The following IL7 variants were observed in gnomAD, a reference collection of about 807,000 sequenced individuals.
The protein encoded by IL7 is interleukin-7.
A neutral mutation model predicts 21.6 loss-of-function variants in IL7; 3 were observed. The observed-to-expected ratio is 0.14, with a 90% CI of 0.06 to 0.36. The LOEUF is 0.36. IL7 is among the 10% of genes least tolerant of loss of function. IL7 has a pLI of 1.00. For synonymous variants in IL7, 62 were observed against 68.1 expected (o/e 0.91, Z 0.44); for missense variants, 175 against 200.2 (o/e 0.87, Z 0.76).
chr8:78,791,966 A>G (rs1586110668), intron 2 of IL7, among the ~76,000 whole-genome samples: 1 of 152,198 alleles, frequency 6.6e-6, no homozygotes, highest in South Asian at 2.1e-4. Context: ...CATAAAATAA[A>G]TATCAGCAAT....
intron 2 of IL7, among the ~76,000 whole-genome samples, chr8:78,743,357 C>G (rs892096166): frequency 2.0e-5 from 3 of 152,178 alleles, no homozygotes; most frequent in African/African-American, 7.2e-5. Context: ...TTCCCACCAA[C>G]AGTGTATAAG....
At chr8:78,771,927 G>A (rs1812971533) in intron 2 of IL7, among the ~76,000 whole-genome samples, 1 of 152,078 alleles carries the variant, frequency 6.6e-6, no homozygotes, top group Non-Finnish European at 1.5e-5. Context: ...TCTTAACTGA[G>A]ATTTTTAAAG....
chr8:78,783,032 GCACCA>G (rs1813392219), intron 2 of IL7, among the ~76,000 whole-genome samples: 1 of 106,336 alleles, frequency 9.4e-6, no homozygotes, highest in Non-Finnish European at 1.7e-5. Context: ...AATATCTCTG[GCACCA>G]GCAGGGGAAA....
rs60056547 is a variant in IL7, at chr8:78,686,431, G to GTTTATTTA, written n.215-492_215-485dup. 6.7e-3 allele frequency: 7,862 copies of GTTTATTTA among 1,173,290 alleles called. 71 individuals carry two copies. The highest frequency in any genetic ancestry group is 0.039 in the African/African-American group (2,356 of 60,998). 72.7% of individuals were successfully genotyped at this position (1,173,290 alleles called of 1,614,324 possible). On this transcript the variant is annotated intron_variant and non_coding_transcript_variant, in intron 3 of 4. Coordinates refer to the IL7 transcript ENST00000523959. ...TCAATATACTAAAAAGATACTGTTT[G>GTTTATTTA]TTTATTTATTTATTTATTTATTTAT...
In IL7 at chr8:78,733,364, T is replaced by G. The variant is rs1586049679; in HGVS notation, c.*349A>C. On this transcript the variant is annotated 3_prime_UTR_variant, in exon 6 of 6. Coordinates refer to ENST00000263851, the MANE Select transcript of IL7 (RefSeq NM_000880.4). ...TGTCAATTTTGAATCTTTGAAACCATTATATACTTCATAGATTTAATGTCT... is the reference window on the plus strand; with the variant it reads ...TGTCAATTTTGAATCTTTGAAACCAGTATATACTTCATAGATTTAATGTCT... The G allele has an allele frequency of 5.3e-6, 1 of 189,282 alleles. No individual in the cohort carries two copies. The highest frequency in any genetic ancestry group is 2.2e-3 in the Middle Eastern group (1 of 460). The allele number at this position is 189,282 out of a possible 1,614,324, so 11.7% of individuals were successfully genotyped here.
At chr8:78,676,045 G>A in exon 5 of IL7, 2 of 421,414 alleles carry the variant, frequency 4.7e-6, no homozygotes, top group Non-Finnish European at 4.1e-6. Context: ...CTTTCCTTCA[G>A]AGTTTGGTCT....
intron 2 of IL7, among the ~76,000 whole-genome samples, chr8:78,787,128 G>A (rs1490204565): frequency 6.6e-6 from 1 of 152,182 alleles, no homozygotes; most frequent in African/African-American, 2.4e-5. Flanking sequence ...ATAAATATTA[G>A]TATTTCCCCA....
At chr8:78,752,926 A>G (rs1812222842) in intron 2 of IL7, among the ~76,000 whole-genome samples, 1 of 151,998 alleles carries the variant, frequency 6.6e-6, no homozygotes, top group South Asian at 2.1e-4. Flanking sequence ...ACATGAACTC[A>G]TTATTTTTTA....
chr8:78,750,233 G>GA (rs538815816), intron 2 of IL7, among the ~76,000 whole-genome samples: 7 of 151,510 alleles, frequency 4.6e-5, no homozygotes, highest in Non-Finnish European at 1.0e-4. Context: ...CTAAGGAGGG[G>GA]AAAAAAAAGA....
intron 3 of IL7, among the ~76,000 whole-genome samples, chr8:78,706,907 T>A (rs556308376): frequency 2.6e-4 from 40 of 152,166 alleles, no homozygotes; most frequent in Non-Finnish European, 1.0e-4. Flanking sequence ...ACAATATCTT[T>A]TGAGTTAAGT....
intron 3 of IL7, among the ~76,000 whole-genome samples, chr8:78,710,248 A>G (rs1810910885): frequency 6.6e-6 from 1 of 152,200 alleles, no homozygotes. Context: ...AATAGCATTC[A>G]TTAACTTTTA....
At chr8:78,771,072 C>T (rs1812932545) in intron 2 of IL7, among the ~76,000 whole-genome samples, 1 of 152,074 alleles carries the variant, frequency 6.6e-6, no homozygotes, top group African/African-American at 2.4e-5. Context: ...GTGGGAATCA[C>T]TAATGTTCCC....
At chr8:78,712,102 T>G in intron 3 of IL7, 2 of 1,281,534 alleles carry the variant, frequency 1.6e-6, no homozygotes, top group Non-Finnish European at 2.0e-6. Flanking sequence ...ATTACCTATT[T>G]ACAAGTAAGT....
chr8:78,790,415 T>A (rs371777207), intron 2 of IL7, among the ~76,000 whole-genome samples: 1 of 152,106 alleles, frequency 6.6e-6, no homozygotes, highest in African/African-American at 2.4e-5. Context: ...CCAAAGAACA[T>A]ATGTTAAAAA....
intron 5 of IL7, among the ~76,000 whole-genome samples, chr8:78,720,531 T>C (rs1219931185): frequency 1.3e-5 from 2 of 151,904 alleles, no homozygotes; most frequent in Non-Finnish European, 2.9e-5. Context: ...GGATAATTAT[T>C]TCATAATATT....
intron 3 of IL7, among the ~76,000 whole-genome samples, chr8:78,692,078 G>A (rs966283311): frequency 6.6e-6 from 1 of 152,054 alleles, no homozygotes; most frequent in Non-Finnish European, 1.5e-5. Context: ...ATTTTGAAAG[G>A]TATAATACAT....
chr8:78,685,007 T>C (rs543361412), intron 4 of IL7, among the ~76,000 whole-genome samples: 305 of 152,240 alleles, frequency 2.0e-3, no homozygotes, highest in Non-Finnish European at 3.4e-3. Flanking sequence ...AAAATTTATA[T>C]ACATGAACTA....
chr8:78,680,845 T>C (rs1809753571), intron 4 of IL7, among the ~76,000 whole-genome samples: 1 of 152,154 alleles, frequency 6.6e-6, no homozygotes, highest in Non-Finnish European at 1.5e-5. Context: ...TATCAGATAG[T>C]ATCTTTATCT....
chr8:78,775,470 G>A (rs774431000), intron 2 of IL7, among the ~76,000 whole-genome samples: 3 of 152,132 alleles, frequency 2.0e-5, no homozygotes, highest in South Asian at 2.1e-4. Flanking sequence ...ACTAGAGTTT[G>A]TGGATGACTG....
Sources: gnomAD v4.1 joint callset for allele counts (sites outside exome capture counted in the v4.1 genomes callset) on GRCh38, gnomAD v4.1.1 for gene constraint, MANE v1.5 for transcripts, NCBI Gene and HGNC (gene_info 2026-07-23, HGNC 2026-07-21) for gene names.